The following UNC5D variants were observed in gnomAD, a reference collection of about 807,000 sequenced individuals.
UNC5D encodes unc-5 netrin receptor D.
In UNC5D, 39 loss-of-function variants were observed where a neutral mutation model predicts 105.4. The observed-to-expected ratio is 0.37, with a 90% CI of 0.29 to 0.48. UNC5D has a LOEUF of 0.48. Among genes scored for constraint, UNC5D ranks in the 20% least tolerant of loss-of-function variants. UNC5D has a pLI of 0.98. For synonymous variants in UNC5D, 452 were observed against 450.4 expected (o/e 1.00, Z -0.04); for missense variants, 991 against 1,202.4 (o/e 0.82, Z 2.60).
In UNC5D at chr8:35,658,644, C is replaced by CTTT. The variant is rs34252660; in HGVS notation, c.571-24883_571-24881dup. On this transcript the variant is annotated intron_variant, in intron 4 of 16. Coordinates refer to ENST00000404895, the MANE Select transcript of UNC5D (RefSeq NM_080872.4). ...CTTAAAGGGAGGAATTCATGAGTGA[C>CTTT]TTTTTTTTTTTTTTTTTTTTTTCTG... is the stretch of plus-strand genomic sequence containing the variant. 6.8e-3 allele frequency among the ~76,000 whole-genome samples: 572 copies of CTTT among 84,348 alleles called. 6 individuals carry two copies. Among genetic ancestry groups the CTTT allele is most frequent in the African/African-American group, 0.025 (554 of 22,146 alleles). 55.3% of individuals were successfully genotyped at this position (84,348 alleles called of 152,430 possible). A position where few individuals can be genotyped will look rare whatever the true frequency, so the allele number is the denominator to read the frequency against.
intron 1 of UNC5D, among the ~76,000 whole-genome samples, chr8:35,458,521 G>A (rs1170441134): frequency 6.6e-6 from 1 of 152,086 alleles, no homozygotes; most frequent in Non-Finnish European, 1.5e-5. Context: ...CTAAAGGAAA[G>A]CAAGAGAAAA....
chr8:35,633,070 A>C (rs1026517693), intron 4 of UNC5D, among the ~76,000 whole-genome samples: 1 of 152,158 alleles, frequency 6.6e-6, no homozygotes, highest in African/African-American at 2.4e-5. Flanking sequence ...TGTCAGGTTC[A>C]TGGGGTCCCC....
chr8:35,514,834 A>G (rs1210847943), intron 1 of UNC5D, among the ~76,000 whole-genome samples: 1 of 152,210 alleles, frequency 6.6e-6, no homozygotes, highest in Admixed American at 6.5e-5. Context: ...TGGAGTTTTC[A>G]TTGCAGAAAA....
intron 1 of UNC5D, among the ~76,000 whole-genome samples, chr8:35,458,544 T>A (rs1412938194): frequency 6.6e-6 from 1 of 152,112 alleles, no homozygotes; most frequent in African/African-American, 2.4e-5. Context: ...AAGCCCTCAC[T>A]CTTGCCACTA....
intron 1 of UNC5D, among the ~76,000 whole-genome samples, chr8:35,303,412 T>A (rs954294868): frequency 6.6e-6 from 1 of 152,146 alleles, no homozygotes; most frequent in Non-Finnish European, 1.5e-5. Flanking sequence ...TTCAGTAGAA[T>A]ACATGGCTAA....
At chr8:35,558,057 TGGA>T (rs763608533) in intron 2 of UNC5D, among the ~76,000 whole-genome samples, 1 of 138,048 alleles carries the variant, frequency 7.2e-6, no homozygotes, top group Non-Finnish European at 1.5e-5. Flanking sequence ...ACCTGGGAGG[TGGA>T]GGTTGCAGTG....
chr8:35,588,955 A>G (rs1344918405), intron 3 of UNC5D, among the ~76,000 whole-genome samples: 1 of 152,182 alleles, frequency 6.6e-6, no homozygotes, highest in African/African-American at 2.4e-5. Flanking sequence ...AGGCAGGAGA[A>G]TTGCTTGAAT....
intron 4 of UNC5D, among the ~76,000 whole-genome samples, chr8:35,679,681 A>T (rs910168632): frequency 1.3e-5 from 2 of 152,198 alleles, no homozygotes; most frequent in African/African-American, 2.4e-5. Flanking sequence ...GTAGAAAATC[A>T]ACTGTAGAGG....
At chr8:35,485,300 T>G (rs1234967280) in intron 1 of UNC5D, among the ~76,000 whole-genome samples, 2 of 152,188 alleles carry the variant, frequency 1.3e-5, no homozygotes, top group Admixed American at 1.3e-4. Flanking sequence ...TCAGCTAATA[T>G]TTGTTTCTAG....
intron 3 of UNC5D, among the ~76,000 whole-genome samples, chr8:35,592,686 C>G (rs1167280141): frequency 6.6e-6 from 1 of 152,148 alleles, no homozygotes; most frequent in Non-Finnish European, 1.5e-5. Flanking sequence ...CAAGCCAGAA[C>G]TAGGACTCCA....
At chr8:35,250,031 T>G (rs2128810860) in intron 1 of UNC5D, among the ~76,000 whole-genome samples, 1 of 152,250 alleles carries the variant, frequency 6.6e-6, no homozygotes, top group South Asian at 2.1e-4. Flanking sequence ...ATTTACTTTT[T>G]TTTGTTTTTT....
intron 10 of UNC5D, chr8:35,727,892 G>A (rs367557901): frequency 2.6e-5 from 4 of 151,512 alleles, no homozygotes; most frequent in Middle Eastern, 3.4e-3. Flanking sequence ...TGAGTCCTGA[G>A]GAAAGAAAAA....
chr8:35,252,698 G>A (rs76608072), intron 1 of UNC5D, among the ~76,000 whole-genome samples: 1 of 151,976 alleles, frequency 6.6e-6, no homozygotes, highest in African/African-American at 2.4e-5. Context: ...TTTTTTTCTA[G>A]CATGAAAAAT....
intron 4 of UNC5D, among the ~76,000 whole-genome samples, chr8:35,680,233 C>T (rs1265249582): frequency 6.6e-6 from 1 of 152,140 alleles, no homozygotes; most frequent in Non-Finnish European, 1.5e-5. Context: ...CTCTGGTCTG[C>T]ACTCTCAATA....
At chr8:35,313,497 C>T (rs879599583) in intron 1 of UNC5D, among the ~76,000 whole-genome samples, 1 of 152,132 alleles carries the variant, frequency 6.6e-6, no homozygotes, top group African/African-American at 2.4e-5. Flanking sequence ...GCAAAAAGAA[C>T]AACCAACAAC....
chr8:35,753,701 G>A (rs912652087), intron 13 of UNC5D, among the ~76,000 whole-genome samples: 1 of 152,148 alleles, frequency 6.6e-6, no homozygotes, highest in African/African-American at 2.4e-5. Context: ...GCTGCGTTTG[G>A]TTGTACTTGT....
chr8:35,770,444 C>T (rs557675795), intron 15 of UNC5D, among the ~76,000 whole-genome samples: 40 of 152,110 alleles, frequency 2.6e-4, no homozygotes, highest in Non-Finnish European at 5.1e-4. Context: ...TTCATATCAC[C>T]TTCACACTTA....
intron 5 of UNC5D, among the ~76,000 whole-genome samples, chr8:35,684,144 T>C (rs1586426964): frequency 6.6e-6 from 1 of 152,270 alleles, no homozygotes; most frequent in African/African-American, 2.4e-5. Context: ...AAACAAACAA[T>C]ACTATTTGCT....
chr8:35,756,622 A>G (rs1205325338), intron 13 of UNC5D, among the ~76,000 whole-genome samples: 2 of 152,212 alleles, frequency 1.3e-5, no homozygotes, highest in East Asian at 3.9e-4. Context: ...TCTAAGAGAA[A>G]AAACACTGGA....
Sources: allele counts gnomAD v4.1 joint callset (sites outside exome capture counted in the v4.1 genomes callset), GRCh38; gene constraint gnomAD v4.1.1; transcripts MANE v1.5; gene names NCBI Gene and HGNC (gene_info 2026-07-23, HGNC 2026-07-21).